RHOA: variants seen among roughly 807,000 people sequenced by gnomAD.
RHOA encodes the protein ras homolog family member A.
Under a neutral mutation model 17.5 loss-of-function variants are expected in RHOA, and 3 were observed. The ratio of observed to expected loss-of-function variants is 0.17; its 90% CI spans 0.08 to 0.44. RHOA has a LOEUF of 0.44. Among genes scored for constraint, RHOA ranks in the 20% least tolerant of loss-of-function variants. The pLI is 0.99. For missense variants in RHOA, 56 were observed against 242.3 expected, an observed-to-expected ratio of 0.23 and a Z score of 5.10; for synonymous variants, 98 against 88.4, an observed-to-expected ratio of 1.11 and a Z score of -0.61.
At chr3:49,370,082 TA>T (rs140587482) in intron 2 of RHOA, among the ~76,000 whole-genome samples, 640 of 141,416 alleles carry the variant, frequency 4.5e-3, no homozygotes, top group Middle Eastern at 7.0e-3. Context: ...AAACTCCATT[TA>T]AAAAAAAAAA....
chr3:49,374,363 A>G (rs1223734073), intron 2 of RHOA, among the ~76,000 whole-genome samples: 1 of 152,148 alleles, frequency 6.6e-6, no homozygotes, highest in Non-Finnish European at 1.5e-5. Context: ...GCATACAAAG[A>G]AGTTCATCTG....
rs1287855131 is a variant in RHOA at position 49,368,394 on chromosome 3, G to A, written c.277+34C>T. On this transcript the variant is annotated intron_variant, in intron 3 of 4. Transcript: ENST00000418115. Reference sequence around the variant, plus strand: ...AACCAGATGCCAACTAGCTACACAGGCAGTGACAAATATCAGGGTGCAGGG... The same window carrying A: ...AACCAGATGCCAACTAGCTACACAGACAGTGACAAATATCAGGGTGCAGGG... 5.0e-6 allele frequency: 8 copies of A among 1,597,728 alleles called. No individual in the cohort carries two copies. In the African/African-American group the frequency reaches 8.0e-5, roughly 16 times the overall value.
intron 1 of RHOA, among the ~76,000 whole-genome samples, chr3:49,407,205 G>C (rs906898005): frequency 1.4e-5 from 2 of 147,352 alleles, no homozygotes; most frequent in Admixed American, 1.4e-4. Flanking sequence ...ACTAAGTCAA[G>C]GAAATTAATA....
chr3:49,374,508 C>G (rs1048641635), intron 2 of RHOA, among the ~76,000 whole-genome samples: 1 of 151,972 alleles, frequency 6.6e-6, no homozygotes, highest in Non-Finnish European at 1.5e-5. Context: ...CATCTGAGGT[C>G]AGGAGCTTGA....
intron 1 of RHOA, among the ~76,000 whole-genome samples, chr3:49,392,952 A>AG (rs1170973755): frequency 6.6e-6 from 1 of 152,086 alleles, no homozygotes; most frequent in East Asian, 1.9e-4. Context: ...CAAGGGGGGT[A>AG]GATCAGCTGA....
intron 1 of RHOA, among the ~76,000 whole-genome samples, chr3:49,404,815 G>C (rs1041061758): frequency 1.3e-5 from 2 of 150,676 alleles, no homozygotes; most frequent in Non-Finnish European, 3.0e-5. Context: ...GCATGCACCT[G>C]TAGTCCCAGT....
chr3:49,368,589 C>T (rs28372791), intron 2 of RHOA, 41 bp from the exon 3 acceptor site: 2 of 1,611,884 alleles, frequency 1.2e-6, no homozygotes, highest in Non-Finnish European at 1.7e-6. Context: ...AAGGTTAATC[C>T]CCCCACCCAC....
intron 3 of RHOA, among the ~76,000 whole-genome samples, chr3:49,364,966 G>A (rs1415916511): frequency 6.6e-6 from 1 of 152,040 alleles, no homozygotes; most frequent in South Asian, 2.1e-4. Flanking sequence ...GCAAAAGTCT[G>A]TCTCAAAAAA....
chr3:49,400,228 A>AC (rs1491420090), intron 1 of RHOA, among the ~76,000 whole-genome samples: 66 of 4,746 alleles, frequency 0.014, 1 homozygote, highest in Admixed American at 0.018. Flanking sequence ...AAAAAAAAAC[A>AC]AAAAAAACGA....
chr3:49,389,037 A>G (rs114087214), intron 1 of RHOA, among the ~76,000 whole-genome samples: 131 of 152,258 alleles, frequency 8.6e-4, no homozygotes, highest in African/African-American at 2.7e-3. Flanking sequence ...AGAATAGGTA[A>G]ATCTACAGAG....
At chr3:49,400,070 G>A (rs1275960044) in intron 1 of RHOA, among the ~76,000 whole-genome samples, 1 of 151,832 alleles carries the variant, frequency 6.6e-6, no homozygotes, top group African/African-American at 2.4e-5. Context: ...AAATTAGCTG[G>A]GCATGGTGGC....
chr3:49,361,082 A>C (rs562262396), intron 4 of RHOA: 2,228 of 164,450 alleles, frequency 0.014, 34 homozygotes, highest in Non-Finnish European at 0.019. Context: ...CAAAAAAAAC[A>C]AAACAAAAAA....
Position 49,359,888 on chromosome 3 carries a change from C to A in RHOA, c.*321G>T. On this transcript the variant is annotated 3_prime_UTR_variant, in exon 5 of 5. Transcript: ENST00000418115. ...CATGTTAGTTATAAAGTAGTTACAG[C>A]CTAATTCACAAAAGTTACCAACTGT... The A allele has an allele frequency of 3.1e-6, 1 of 321,466 alleles. No individual in the cohort carries two copies. Among genetic ancestry groups the A allele is most frequent in the South Asian group, 6.3e-5 (1 of 15,926 alleles). The allele number at this position is 321,466 out of a possible 1,614,324, so 19.9% of individuals were successfully genotyped here. A position where few individuals can be genotyped will look rare whatever the true frequency, so the allele number is the denominator to read the frequency against.
chr3:49,371,263 G>A (rs895783167), intron 2 of RHOA, among the ~76,000 whole-genome samples: 2 of 151,712 alleles, frequency 1.3e-5, no homozygotes, highest in African/African-American at 4.8e-5. Flanking sequence ...GGTTCCCTAG[G>A]CTGTACTATT....
chr3:49,380,336 G>A (rs1031470681), intron 1 of RHOA, among the ~76,000 whole-genome samples: 4 of 152,112 alleles, frequency 2.6e-5, no homozygotes, highest in Non-Finnish European at 5.9e-5. Flanking sequence ...TCTTCCATAT[G>A]AATGAGAAAT....
chr3:49,365,659 C>T (rs575376650), intron 3 of RHOA, among the ~76,000 whole-genome samples: 30 of 148,084 alleles, frequency 2.0e-4, no homozygotes, highest in Non-Finnish European at 3.9e-4. Flanking sequence ...GATGCGATCT[C>T]GGCTCACTGC....
intron 1 of RHOA, among the ~76,000 whole-genome samples, chr3:49,397,176 T>A (rs927709510): frequency 6.9e-6 from 1 of 145,814 alleles, no homozygotes. Context: ...ACAACATGGA[T>A]GAACCTTTAA....
chr3:49,361,886 A>T (rs2047977739), intron 4 of RHOA, among the ~76,000 whole-genome samples: 1 of 150,190 alleles, frequency 6.7e-6, no homozygotes, highest in Non-Finnish European at 1.5e-5. Context: ...TCAAAAAATA[A>T]AAATAAAGAG....
chr3:49,393,109 G>C (rs1240804146), intron 1 of RHOA, among the ~76,000 whole-genome samples: 2 of 152,108 alleles, frequency 1.3e-5, no homozygotes, highest in Non-Finnish European at 2.9e-5. Flanking sequence ...CTGGGAGGCG[G>C]AGGCTGCAGT....
Sources: gnomAD v4.1 joint callset for allele counts (sites outside exome capture counted in the v4.1 genomes callset) on GRCh38, gnomAD v4.1.1 for gene constraint, MANE v1.5 for transcripts, NCBI Gene and HGNC (gene_info 2026-07-23, HGNC 2026-07-21) for gene names.